The following LRP1B variants were observed in gnomAD, a reference collection of about 807,000 sequenced individuals.
The protein encoded by LRP1B is LDL receptor related protein 1B.
A neutral mutation model predicts 556.6 loss-of-function variants in LRP1B; 217 were observed. The ratio of observed to expected loss-of-function variants is 0.39; its 90% confidence interval spans 0.35 to 0.44. LRP1B has a LOEUF of 0.44. Among genes scored for constraint, LRP1B ranks in the 20% least tolerant of loss-of-function variants. LRP1B has a pLI of 1.00. For synonymous variants in LRP1B, 2,047 were observed against 1,865.8 expected (o/e 1.10, Z -2.50); for missense variants, 5,053 against 5,620.8 (o/e 0.90, Z 3.23).
intron 66 of LRP1B, among the ~76,000 whole-genome samples, chr2:140,440,795 T>C (rs1686393178): frequency 6.9e-6 from 1 of 144,996 alleles, no homozygotes; most frequent in Admixed American, 6.8e-5. Context: ...GCAATACTAG[T>C]GGCTGGGAGA....
chr2:141,148,802 G>T (rs1701847953), intron 7 of LRP1B, among the ~76,000 whole-genome samples: 1 of 152,152 alleles, frequency 6.6e-6, no homozygotes, highest in Non-Finnish European at 1.5e-5. Flanking sequence ...AATACAAGGA[G>T]GCCGGGCATG....
intron 12 of LRP1B, 116 bp from the exon 13 acceptor site, chr2:141,016,031 CCTAT>C (rs1474098813): frequency 1.2e-5 from 9 of 756,022 alleles, no homozygotes; most frequent in Non-Finnish European, 4.6e-6. Flanking sequence ...GATTTGTCCT[CCTAT>C]CTAAGTGCTT....
At chr2:140,305,689 G>A (rs1684035873) in intron 83 of LRP1B, among the ~76,000 whole-genome samples, 1 of 152,100 alleles carries the variant, frequency 6.6e-6, no homozygotes, top group African/African-American at 2.4e-5. Flanking sequence ...GCAACACTAT[G>A]TTGAATAGGA....
At chr2:140,500,966 G>A (rs183607123) in intron 55 of LRP1B, among the ~76,000 whole-genome samples, 1 of 151,926 alleles carries the variant, frequency 6.6e-6, no homozygotes, top group East Asian at 1.9e-4. Flanking sequence ...ATTTTCAAAG[G>A]AATTGCTCTT....
At chr2:141,700,549 G>C (rs985692218) in intron 2 of LRP1B, among the ~76,000 whole-genome samples, 2 of 151,720 alleles carry the variant, frequency 1.3e-5, no homozygotes, top group African/African-American at 2.4e-5. Flanking sequence ...CTGGGCCTCA[G>C]AAAACAATAG....
chr2:141,944,461 G>GA (rs1700899664), intron 1 of LRP1B, among the ~76,000 whole-genome samples: 1 of 152,022 alleles, frequency 6.6e-6, no homozygotes, highest in Non-Finnish European at 1.5e-5. Flanking sequence ...GACCTTGCTG[G>GA]AAAAATCTTG....
At chr2:141,286,041 T>C (rs1338052782) in intron 3 of LRP1B, among the ~76,000 whole-genome samples, 1 of 117,398 alleles carries the variant, frequency 8.5e-6, no homozygotes, top group East Asian at 2.4e-4. Context: ...CACTCCAGCC[T>C]GGGTGACAGA....
At chr2:141,481,549 T>G (rs1682918495) in intron 2 of LRP1B, among the ~76,000 whole-genome samples, 1 of 152,204 alleles carries the variant, frequency 6.6e-6, no homozygotes. Context: ...AAATAATTAT[T>G]AGTTTTCTCA....
chr2:142,061,978 G>A (rs541320795), intron 1 of LRP1B, among the ~76,000 whole-genome samples: 65 of 151,994 alleles, frequency 4.3e-4, no homozygotes, highest in African/African-American at 1.5e-3. Context: ...TCCTTAATGA[G>A]TGGGCTGCTG....
At chr2:141,691,018 T>C (rs561904285) in intron 2 of LRP1B, among the ~76,000 whole-genome samples, 20 of 151,988 alleles carry the variant, frequency 1.3e-4, no homozygotes, top group Non-Finnish European at 2.7e-4. Context: ...AATTTATTGA[T>C]GTTCTGGCAT....
chr2:140,610,059 T>C (rs1165820225), intron 41 of LRP1B, among the ~76,000 whole-genome samples: 1 of 151,978 alleles, frequency 6.6e-6, no homozygotes, highest in Non-Finnish European at 1.5e-5. Flanking sequence ...TTTTTTTTTT[T>C]CTTGACACAT....
intron 84 of LRP1B, among the ~76,000 whole-genome samples, chr2:140,278,646 T>A (rs577800948): frequency 2.0e-5 from 3 of 152,152 alleles, no homozygotes; most frequent in South Asian, 4.1e-4. Flanking sequence ...AAAGGTTTGC[T>A]TATGATAAAA....
At chr2:141,977,259 T>C (rs528643247) in intron 1 of LRP1B, among the ~76,000 whole-genome samples, 15 of 152,222 alleles carry the variant, frequency 9.9e-5, no homozygotes, top group Non-Finnish European at 1.8e-4. Flanking sequence ...GCATCTATAA[T>C]CCAGATCGCT....
At chr2:140,579,965 C>G (rs73961435) in intron 43 of LRP1B, among the ~76,000 whole-genome samples, 16,615 of 152,182 alleles carry the variant, frequency 0.11, 1,092 homozygotes, top group African/African-American at 0.16. Context: ...TGACCGTATC[C>G]TATATATGCA....
rs116450364 is a variant in LRP1B at position 140,910,655 on chromosome 2, A to G, written c.3320-2578T>C. On this transcript the variant is annotated intron_variant, in intron 21 of 90. Coordinates refer to ENST00000389484, the MANE Select transcript of LRP1B (RefSeq NM_018557.3). ...TAAGATAACAATCAATCCAAGTGCAAGATTCATAAAGAAATTGTAATGGTT... is the reference window on the plus strand; with the variant it reads ...TAAGATAACAATCAATCCAAGTGCAGGATTCATAAAGAAATTGTAATGGTT... Among the ~76,000 whole-genome samples the G allele has an allele frequency of 4.9e-3, 744 of 152,016 alleles. 3 individuals are homozygous for G. Among genetic ancestry groups the G allele is most frequent in the Middle Eastern group, 0.02 (6 of 294 alleles).
chr2:141,514,040 T>C (rs1424154726), intron 2 of LRP1B, among the ~76,000 whole-genome samples: 3 of 152,210 alleles, frequency 2.0e-5, no homozygotes, highest in Admixed American at 6.5e-5. Context: ...CTGCCTCCTC[T>C]CAGTTCCTCA....
At chr2:141,113,159 A>G (rs1178252993) in intron 7 of LRP1B, among the ~76,000 whole-genome samples, 1 of 152,184 alleles carries the variant, frequency 6.6e-6, no homozygotes, top group African/African-American at 2.4e-5. Context: ...TTCACATTTA[A>G]GTGAAGGCAG....
chr2:141,617,668 C>A (rs62166514), intron 2 of LRP1B, among the ~76,000 whole-genome samples: 5,378 of 152,190 alleles, frequency 0.035, 134 homozygotes, highest in Non-Finnish European at 0.055. Flanking sequence ...CAAAGCAAAT[C>A]TTTCTACAAT....
chr2:140,335,535 C>A, intron 78 of LRP1B, 80 bp downstream of exon 78: 1 of 861,998 alleles, frequency 1.2e-6, no homozygotes. Context: ...ACACTCATTA[C>A]AGAGACAAAA....
Sources: allele counts gnomAD v4.1 joint callset (sites outside exome capture counted in the v4.1 genomes callset), GRCh38; gene constraint gnomAD v4.1.1; transcripts MANE v1.5; gene names NCBI Gene and HGNC (gene_info 2026-07-23, HGNC 2026-07-21).